CRACDL: variants seen among roughly 807,000 people sequenced by gnomAD.
CRACDL encodes CRACD-like protein.
In CRACDL, 26 loss-of-function variants were observed where a neutral mutation model predicts 70.6. That is an observed-to-expected ratio of 0.37 (90% CI 0.27 to 0.51). The LOEUF is 0.51. CRACDL is among the 20% of genes least tolerant of loss of function. The probability of loss-of-function intolerance (pLI) is 0.94; values close to 1 mark genes in which losing one functional copy is unlikely to be tolerated. For missense variants in CRACDL, 1,283 were observed against 1,376.9 expected (o/e 0.93, Z 1.08); for synonymous variants, 618 against 615.2 (o/e 1.00, Z -0.07).
intron 3 of CRACDL, among the ~76,000 whole-genome samples, chr2:98,833,771 G>A (rs1299796091): frequency 6.6e-6 from 1 of 152,206 alleles, no homozygotes; most frequent in African/African-American, 2.4e-5. Flanking sequence ...GGAAGGAGAT[G>A]ACTGAGATCT....
intron 1 of CRACDL, among the ~76,000 whole-genome samples, chr2:98,909,152 T>G (rs1708484244): frequency 6.6e-6 from 1 of 152,192 alleles, no homozygotes; most frequent in Non-Finnish European, 1.5e-5. Flanking sequence ...CAGAAGAGAT[T>G]GGCAGAAAGC....
At chr2:98,869,621 T>C (rs1707272010) in intron 1 of CRACDL, among the ~76,000 whole-genome samples, 1 of 152,188 alleles carries the variant, frequency 6.6e-6, no homozygotes, top group Non-Finnish European at 1.5e-5. Context: ...AAACAGCTTC[T>C]GAGCCAGACA....
intron 7 of CRACDL, among the ~76,000 whole-genome samples, chr2:98,805,672 C>G (rs1447912230): frequency 6.6e-6 from 1 of 152,178 alleles, no homozygotes; most frequent in Non-Finnish European, 1.5e-5. Flanking sequence ...ACTTTGCAGC[C>G]TAGGGGCAAA....
At position 98,797,541 on chromosome 2, in the gene CRACDL, T is replaced by C. The variant is rs1031701112; in HGVS notation, c.2417-4A>G. ...GCTGCAGGCGGCAGACTCTTTTCTG[T>C]TGGGTAAAGGCACAAGATTATAGAA... On this transcript the variant is annotated splice_region_variant and splice_polypyrimidine_tract_variant and intron_variant, in intron 7 of 9. Transcript: ENST00000397899. 3 of 1,613,202 alleles carry C rather than the reference T, an allele frequency of 1.9e-6. No individual in the cohort carries two copies. In the African/African-American group the frequency reaches 4.0e-5, roughly 22 times the overall value.
Position 98,794,370 on chromosome 2 carries a change from CCT to C in CRACDL, c.*160_*161del. ...CCCAGGAGTATGGCTGTGTGTTTAT[CCT>C]CTTTGTTTTGCCTGGTTCCTTCCTC... On this transcript the variant is annotated 3_prime_UTR_variant, in exon 10 of 10. Coordinates refer to ENST00000397899, the MANE Select transcript of CRACDL (RefSeq NM_207362.3). 1.6e-6 allele frequency: 1 copy of C among 618,500 alleles called. No homozygotes were observed. The allele number at this position is 618,500 out of a possible 1,614,324, so 38.3% of individuals were successfully genotyped here.
At chr2:98,819,315 C>T (rs1704925573) in intron 7 of CRACDL, among the ~76,000 whole-genome samples, 2 of 152,206 alleles carry the variant, frequency 1.3e-5, no homozygotes, top group South Asian at 4.1e-4. Flanking sequence ...ATTCATTTAG[C>T]AAGCTCTTGA....
In CRACDL at chr2:98,836,863, G is replaced by C. The variant is rs535252012; in HGVS notation, c.239+1256C>G. Among the ~76,000 whole-genome samples, 3 of 152,112 alleles carry C rather than the reference G, an allele frequency of 2.0e-5. No individual in the cohort carries two copies. The South Asian group carries it at 6.2e-4, about 32-fold the overall frequency. ...TTTGGGAGGCCGAGGCGGGCGGATC[G>C]CGAGGTCAGGAAATCGAGACCATCC... is the stretch of plus-strand genomic sequence containing the variant. On this transcript the variant is annotated intron_variant, in intron 3 of 9. Coordinates refer to ENST00000397899, the MANE Select transcript of CRACDL (RefSeq NM_207362.3).
At chr2:98,858,553 C>T (rs1323954534) in intron 1 of CRACDL, among the ~76,000 whole-genome samples, 5 of 148,548 alleles carry the variant, frequency 3.4e-5, no homozygotes, top group East Asian at 2.0e-4. Context: ...AATCTCAAAT[C>T]GCTATCATAA....
Position 98,884,469 on chromosome 2 carries a change from C to A in CRACDL, c.-10-37659G>T, listed in dbSNP as rs758068885. Among the ~76,000 whole-genome samples the A allele has an allele frequency of 5.3e-5, 8 of 152,210 alleles. No individual in the cohort carries two copies. The East Asian group carries it at 1.5e-3, about 29-fold the overall frequency. On this transcript the variant is annotated intron_variant, in intron 1 of 9. Coordinates refer to ENST00000397899, the MANE Select transcript of CRACDL (RefSeq NM_207362.3). ...CCTCTTCCACAGTGACAGAGCCAGG[C>A]AGCAGGACATCCCTGCCCATCACTG...
intron 1 of CRACDL, among the ~76,000 whole-genome samples, chr2:98,900,669 C>T (rs1316243471): frequency 6.6e-6 from 1 of 152,006 alleles, no homozygotes; most frequent in Non-Finnish European, 1.5e-5. Flanking sequence ...GGTGGCGGTG[C>T]TGTTTAGTAA....
At chr2:98,903,413 T>A (rs890589867) in intron 1 of CRACDL, among the ~76,000 whole-genome samples, 6 of 152,082 alleles carry the variant, frequency 3.9e-5, no homozygotes, top group African/African-American at 1.4e-4. Flanking sequence ...TTGTAAAAAT[T>A]CCCTGATTTC....
intron 3 of CRACDL, among the ~76,000 whole-genome samples, chr2:98,837,535 C>T (rs912657006): frequency 6.6e-6 from 1 of 152,060 alleles, no homozygotes; most frequent in African/African-American, 2.4e-5. Flanking sequence ...GCTAGAATAA[C>T]TGCAGCATAT....
chr2:98,797,180 C>A (rs1483223501), intron 8 of CRACDL, among the ~76,000 whole-genome samples, 170 bp downstream of exon 8: 2 of 152,220 alleles, frequency 1.3e-5, no homozygotes, highest in African/African-American at 4.8e-5. Flanking sequence ...TATGATTTGG[C>A]AAGTCATTTA....
intron 1 of CRACDL, among the ~76,000 whole-genome samples, chr2:98,915,121 G>T (rs769775081): frequency 5.3e-5 from 8 of 152,200 alleles, no homozygotes; most frequent in Admixed American, 3.9e-4. Context: ...GAGGAAGGTC[G>T]ACCAGGACAG....
At chr2:98,906,817 G>A (rs777200782) in intron 1 of CRACDL, among the ~76,000 whole-genome samples, 3 of 152,180 alleles carry the variant, frequency 2.0e-5, no homozygotes, top group Non-Finnish European at 4.4e-5. Flanking sequence ...TATTCTGGCA[G>A]AGAGTTAGTT....
chr2:98,935,280 CG>C lies in CRACDL; in HGVS notation c.-11+657del, dbSNP rs537874889. ...TGCCTGCAGGCGGTTTGCACCTACA[CG>C]GAGTCAAATTCACACAGCCGCACTG... On this transcript the variant is annotated intron_variant, in intron 1 of 9. Coordinates refer to ENST00000397899, the MANE Select transcript of CRACDL (RefSeq NM_207362.3). Among the ~76,000 whole-genome samples, 788 of 152,260 alleles carry C rather than the reference CG, an allele frequency of 5.2e-3. 3 individuals are homozygous for C. Among genetic ancestry groups the C allele is most frequent in the African/African-American group, 0.018 (756 of 41,542 alleles).
At chr2:98,826,476 C>T (rs907780421) in intron 6 of CRACDL, among the ~76,000 whole-genome samples, 19 of 152,150 alleles carry the variant, frequency 1.2e-4, no homozygotes, top group Admixed American at 2.0e-4. Flanking sequence ...TGGCATGTGG[C>T]GAGTGTTCTG....
intron 7 of CRACDL, among the ~76,000 whole-genome samples, chr2:98,813,580 AG>A (rs1359906967): frequency 6.6e-6 from 1 of 152,226 alleles, no homozygotes; most frequent in Non-Finnish European, 1.5e-5. Flanking sequence ...TGAACTCAAA[AG>A]GTGTCATGGA....
intron 1 of CRACDL, among the ~76,000 whole-genome samples, chr2:98,926,591 A>T (rs1242633831): frequency 6.6e-6 from 1 of 152,136 alleles, no homozygotes; most frequent in East Asian, 1.9e-4. Context: ...GTCTCCTGGA[A>T]CCCTTCCTCA....
Sources: gnomAD v4.1 joint callset for allele counts (sites outside exome capture counted in the v4.1 genomes callset) on GRCh38, gnomAD v4.1.1 for gene constraint, MANE v1.5 for transcripts, NCBI Gene and HGNC (gene_info 2026-07-23, HGNC 2026-07-21) for gene names.